RANBP10: variants seen among roughly 807,000 people sequenced by gnomAD.
RANBP10 encodes the protein RAN binding protein 10, also known as ran-binding protein 10.
In RANBP10, 24 loss-of-function variants were observed where a neutral mutation model predicts 72.8. The ratio of observed to expected loss-of-function variants is 0.33; its 90% CI spans 0.24 to 0.46. The LOEUF is 0.46. RANBP10 is among the 20% of genes least tolerant of loss of function. The probability of loss-of-function intolerance (pLI) is 1.00; values close to 1 mark genes in which losing one functional copy is unlikely to be tolerated. For synonymous variants in RANBP10, 310 were observed against 322.3 expected, an observed-to-expected ratio of 0.96 and a Z score of 0.41; for missense variants, 679 against 817.5, an observed-to-expected ratio of 0.83 and a Z score of 2.07.
At chr16:67,792,423 G>A (rs535805197) in intron 2 of RANBP10, among the ~76,000 whole-genome samples, 7 of 151,996 alleles carry the variant, frequency 4.6e-5, no homozygotes, top group South Asian at 2.1e-4. Flanking sequence ...TTAGCCAGGC[G>A]TAGTGGCGGA....
chr16:67,786,789 T>A (rs887146056), intron 2 of RANBP10, among the ~76,000 whole-genome samples: 11 of 151,458 alleles, frequency 7.3e-5, no homozygotes, highest in Non-Finnish European at 2.9e-5. Flanking sequence ...CAGCCAGGCG[T>A]AGTGGTACAC....
chr16:67,786,923 T>A (rs977672371), intron 2 of RANBP10, among the ~76,000 whole-genome samples: 5 of 150,892 alleles, frequency 3.3e-5, no homozygotes, highest in South Asian at 2.1e-4. Flanking sequence ...CTAGACTCCA[T>A]CTCAAAAACA....
At chr16:67,746,087 C>A (rs1290822158) in intron 3 of RANBP10, among the ~76,000 whole-genome samples, 1 of 151,158 alleles carries the variant, frequency 6.6e-6, no homozygotes. Flanking sequence ...ACCCAGGAGG[C>A]GGAGGTTGCA....
Position 67,729,935 on chromosome 16 carries a change from T to C in RANBP10, c.998+3A>G. On this transcript the variant is annotated splice_donor_region_variant and intron_variant, in intron 8 of 13. Transcript: ENST00000317506. This position sits in a 1 kb window ranked among gnomAD's most constrained non-coding sequence, Gnocchi z 7.1. Reference sequence around the variant, plus strand: ...GGGGGAGCTGGGGGTGCCCAAGACTTACTTGAGCATGAAGAGGAGGTTGGG... The same window carrying C: ...GGGGGAGCTGGGGGTGCCCAAGACTCACTTGAGCATGAAGAGGAGGTTGGG... 1.2e-6 allele frequency: 2 copies of C among 1,613,604 alleles called. No individual in the cohort carries two copies. Among genetic ancestry groups the C allele is most frequent in the Non-Finnish European group, 1.7e-6 (2 of 1,179,922 alleles).
chr16:67,751,674 G>C (rs2054199744), intron 3 of RANBP10, among the ~76,000 whole-genome samples: 1 of 152,064 alleles, frequency 6.6e-6, no homozygotes, highest in African/African-American at 2.4e-5. Flanking sequence ...CCAGTACTTT[G>C]GGAGGCTGAG....
chr16:67,795,033 T>C (rs1318577623), intron 2 of RANBP10, among the ~76,000 whole-genome samples: 2 of 148,782 alleles, frequency 1.3e-5, no homozygotes, highest in East Asian at 4.0e-4. Flanking sequence ...GACAGGCAGA[T>C]CACTTAAGCC....
Position 67,756,380 on chromosome 16 carries a change from T to A in RANBP10, c.401-11925A>T, listed in dbSNP as rs143847032. Among the ~76,000 whole-genome samples, 14 of 152,372 alleles carry A rather than the reference T, an allele frequency of 9.2e-5. No individual in the cohort carries two copies. The East Asian group carries it at 2.7e-3, about 29-fold the overall frequency. On this transcript the variant is annotated intron_variant, in intron 3 of 13. Coordinates refer to ENST00000317506, the MANE Select transcript of RANBP10 (RefSeq NM_020850.3). ...GTGCCTGACCACCAGGTTCTGGTCC[T>A]GGCCCACGGCTGACCAGGACACAGG...
chr16:67,728,539 G>C (rs1216264104), intron 10 of RANBP10, 28 bp from the exon 11 acceptor site: 1 of 1,613,800 alleles, frequency 6.2e-7, no homozygotes, highest in Non-Finnish European at 8.5e-7. Flanking sequence ...GGTGGGAGTT[G>C]GCCCAGGGGG....
intron 3 of RANBP10, among the ~76,000 whole-genome samples, chr16:67,768,036 G>A (rs2054536853): frequency 6.7e-6 from 1 of 150,090 alleles, no homozygotes; most frequent in South Asian, 2.1e-4. Context: ...CTGAACCCCA[G>A]CCTGGGCAAC....
intron 2 of RANBP10, among the ~76,000 whole-genome samples, chr16:67,778,983 C>A (rs1474074854): frequency 6.6e-6 from 1 of 152,136 alleles, no homozygotes; most frequent in East Asian, 1.9e-4. Flanking sequence ...GTCTCAGCTA[C>A]TTGAGAGGCT....
intron 3 of RANBP10, among the ~76,000 whole-genome samples, chr16:67,746,209 T>C (rs1045237540): frequency 2.6e-5 from 4 of 151,102 alleles, no homozygotes; most frequent in Non-Finnish European, 5.9e-5. Flanking sequence ...TGGCTGGGCA[T>C]GGTGGCTCGC....
intron 3 of RANBP10, among the ~76,000 whole-genome samples, chr16:67,762,928 G>A (rs1356473150): frequency 6.6e-6 from 1 of 152,256 alleles, no homozygotes; most frequent in African/African-American, 2.4e-5. Flanking sequence ...AGGGTGGCAA[G>A]TGTCATCCCA....
rs1195125919 is a variant in RANBP10 at position 67,731,630 on chromosome 16, C to T, written c.777-46G>A. 8 of 1,432,772 alleles carry T rather than the reference C, an allele frequency of 5.6e-6. No homozygotes were observed. In the South Asian group the frequency reaches 8.3e-5, roughly 15 times the overall value. The allele number at this position is 1,432,772 out of a possible 1,614,324, so 88.8% of individuals were successfully genotyped here. On this transcript the variant is annotated intron_variant, in intron 6 of 13. Coordinates refer to ENST00000317506, the MANE Select transcript of RANBP10 (RefSeq NM_020850.3). ...CAGGTGACACTCAAGAACTGCACTT[C>T]TCACTGACTACCCAATGGACTCAGG...
chr16:67,745,496 A>G (rs1377020597), intron 3 of RANBP10, among the ~76,000 whole-genome samples: 1 of 151,496 alleles, frequency 6.6e-6, no homozygotes, highest in Non-Finnish European at 1.5e-5. Context: ...CACCATGCCC[A>G]GCTAATTTTT....
At chr16:67,798,501 T>C (rs2055173998) in intron 2 of RANBP10, among the ~76,000 whole-genome samples, 1 of 152,038 alleles carries the variant, frequency 6.6e-6, no homozygotes, top group Admixed American at 6.6e-5. Context: ...CCATGGAAAA[T>C]CACTTTGGCT....
intron 12 of RANBP10, 90 bp from the exon 13 acceptor site, chr16:67,727,528 T>A (rs547919327): frequency 1.8e-5 from 25 of 1,369,202 alleles, no homozygotes; most frequent in Non-Finnish European, 2.0e-5. Flanking sequence ...GGGCCCTGCA[T>A]GATGCCCAGC....
chr16:67,758,148 CCCAGGGGGG>C (rs1446106242), intron 3 of RANBP10, among the ~76,000 whole-genome samples: 1 of 152,226 alleles, frequency 6.6e-6, no homozygotes, highest in Non-Finnish European at 1.5e-5. Flanking sequence ...CCAGGAACGG[CCCAGGGGGG>C]CCAGGCTGGG....
At chr16:67,784,953 T>TA (rs1245493480) in intron 2 of RANBP10, among the ~76,000 whole-genome samples, 25 of 151,214 alleles carry the variant, frequency 1.7e-4, no homozygotes, top group Admixed American at 1.3e-3. Flanking sequence ...CTCACGCCTG[T>TA]AATCCCAGCA....
intron 3 of RANBP10, among the ~76,000 whole-genome samples, chr16:67,763,797 C>T (rs1023739244): frequency 5.3e-5 from 8 of 152,146 alleles, no homozygotes; most frequent in Admixed American, 1.3e-4. Flanking sequence ...TGGGTTCAAG[C>T]GATTCTCCTG....
Sources: allele counts gnomAD v4.1 joint callset (sites outside exome capture counted in the v4.1 genomes callset), GRCh38; gene constraint gnomAD v4.1.1; non-coding constraint Gnocchi (gnomAD v3.1); transcripts MANE v1.5; gene names NCBI Gene and HGNC (gene_info 2026-07-23, HGNC 2026-07-21).